Variants in CWC27 observed in about 807,000 individuals in gnomAD.
CWC27 encodes spliceosome-associated protein CWC27 homolog.
A neutral mutation model predicts 63.6 loss-of-function variants in CWC27; 47 were observed. The observed-to-expected ratio is 0.74, with a 90% CI of 0.58 to 0.94. The LOEUF (loss-of-function observed/expected upper bound fraction) is 0.94. Ranked by LOEUF, CWC27 falls within the 40% of genes least tolerant of loss-of-function variation. CWC27 has a pLI of 0.00. For missense variants in CWC27, 495 were observed against 554.3 expected (o/e 0.89, Z 1.07); for synonymous variants, 175 against 179.8 (o/e 0.97, Z 0.22).
intron 13 of CWC27, among the ~76,000 whole-genome samples, chr5:64,980,670 C>G (rs1303446201): frequency 6.6e-6 from 1 of 152,164 alleles, no homozygotes; most frequent in Non-Finnish European, 1.5e-5. Flanking sequence ...TTCTCTTCTT[C>G]TTTCTCTCCC....
chr5:64,894,764 T>C (rs1355827038), intron 11 of CWC27, among the ~76,000 whole-genome samples: 1 of 152,242 alleles, frequency 6.6e-6, no homozygotes, highest in Non-Finnish European at 1.5e-5. Flanking sequence ...AGTGGAGCAC[T>C]AGGTCAGGCT....
At chr5:64,792,938 A>C (rs1308587031) in intron 7 of CWC27, among the ~76,000 whole-genome samples, 1 of 152,170 alleles carries the variant, frequency 6.6e-6, no homozygotes, top group Non-Finnish European at 1.5e-5. Context: ...TTTAATTTTG[A>C]TTTATTATAC....
At chr5:64,832,929 A>C (rs1391828468) in intron 10 of CWC27, among the ~76,000 whole-genome samples, 4 of 151,794 alleles carry the variant, frequency 2.6e-5, no homozygotes, top group East Asian at 1.9e-4. Context: ...ATAGTGGCTT[A>C]AGAGCATAGA....
chr5:64,791,852 G>A (rs989290113), intron 7 of CWC27, among the ~76,000 whole-genome samples: 1 of 152,006 alleles, frequency 6.6e-6, no homozygotes, highest in Non-Finnish European at 1.5e-5. Flanking sequence ...ATTCCATTGT[G>A]ATTTTTCATA....
intron 11 of CWC27, among the ~76,000 whole-genome samples, chr5:64,926,602 G>A (rs954171873): frequency 9.9e-5 from 15 of 152,064 alleles, no homozygotes; most frequent in African/African-American, 3.6e-4. Flanking sequence ...AATAAAAAAT[G>A]TAATGTTAAA....
chr5:64,959,487 G>A (rs1337320789), intron 11 of CWC27, among the ~76,000 whole-genome samples: 1 of 152,146 alleles, frequency 6.6e-6, no homozygotes, highest in Non-Finnish European at 1.5e-5. Context: ...ATCACCAGTA[G>A]CTCCTCAGGA....
chr5:64,856,209 A>G (rs1746254429), intron 10 of CWC27, among the ~76,000 whole-genome samples: 1 of 152,100 alleles, frequency 6.6e-6, no homozygotes, highest in African/African-American at 2.4e-5. Context: ...TATCAATATC[A>G]ATACTTATGG....
intron 13 of CWC27, among the ~76,000 whole-genome samples, chr5:65,007,163 C>T (rs1749862628): frequency 6.6e-6 from 1 of 152,174 alleles, no homozygotes; most frequent in Non-Finnish European, 1.5e-5. Flanking sequence ...TGGCATTTTA[C>T]ATCTAAGGCC....
At chr5:64,798,663 T>C (rs1744366713) in intron 7 of CWC27, among the ~76,000 whole-genome samples, 1 of 152,328 alleles carries the variant, frequency 6.6e-6, no homozygotes, top group East Asian at 1.9e-4. Flanking sequence ...GAGCTCCATA[T>C]TAATACAGAA....
intron 10 of CWC27, among the ~76,000 whole-genome samples, chr5:64,883,023 C>CATTAA (rs1178231221): frequency 6.6e-6 from 1 of 152,220 alleles, no homozygotes; most frequent in Admixed American, 6.5e-5. Context: ...TTAATTGACT[C>CATTAA]ACAGTTCTGC....
At chr5:64,771,083 TA>T in intron 1 of CWC27, among the ~76,000 whole-genome samples, 1 of 152,340 alleles carries the variant, frequency 6.6e-6, no homozygotes, top group Non-Finnish European at 1.5e-5. Flanking sequence ...TGATAAATAC[TA>T]TCTTCTGAAC....
At chr5:64,862,638 A>T (rs571454606) in intron 10 of CWC27, among the ~76,000 whole-genome samples, 1 of 152,258 alleles carries the variant, frequency 6.6e-6, no homozygotes, top group African/African-American at 2.4e-5. Context: ...TGTTTGCAAA[A>T]TGTTTTTTAT....
intron 11 of CWC27, among the ~76,000 whole-genome samples, chr5:64,931,147 C>T (rs73107291): frequency 0.089 from 13,562 of 151,982 alleles, 1,937 homozygotes; most frequent in African/African-American, 0.3. Flanking sequence ...ATTTTCTGAA[C>T]TTGATATACC....
intron 10 of CWC27, among the ~76,000 whole-genome samples, chr5:64,842,603 AT>A (rs757016240): frequency 2.4e-4 from 28 of 115,898 alleles, no homozygotes; most frequent in African/African-American, 2.3e-4. Context: ...CTCCCAGCCT[AT>A]TTTTTTTTTT....
chr5:64,935,766 T>C (rs1385742752), intron 11 of CWC27, among the ~76,000 whole-genome samples: 2 of 152,214 alleles, frequency 1.3e-5, no homozygotes, highest in East Asian at 3.8e-4. Context: ...GTGTCCTCTC[T>C]TACTTCCTTG....
intron 11 of CWC27, among the ~76,000 whole-genome samples, chr5:64,950,631 T>C (rs1291994078): frequency 6.6e-6 from 1 of 152,026 alleles, no homozygotes; most frequent in Admixed American, 6.6e-5. Flanking sequence ...ATCAGCTTTA[T>C]TGAGGTATAC....
chr5:64,801,356 T>G (rs1357410035), intron 9 of CWC27, 24 bp downstream of exon 9: 1 of 1,344,572 alleles, frequency 7.4e-7, no homozygotes, highest in African/African-American at 1.6e-5. Flanking sequence ...TTGGTATTAA[T>G]ATAGTTTGAA....
chr5:64,956,259 G>A (rs1034446557), intron 11 of CWC27, among the ~76,000 whole-genome samples: 1 of 152,094 alleles, frequency 6.6e-6, no homozygotes, highest in Non-Finnish European at 1.5e-5. Context: ...GGACCAACAA[G>A]ATATAAAATG....
intron 10 of CWC27, among the ~76,000 whole-genome samples, chr5:64,825,519 CT>C (rs1035633885): frequency 2.6e-5 from 4 of 152,200 alleles, no homozygotes; most frequent in Admixed American, 2.6e-4. Context: ...CTCCAACTTC[CT>C]TTTTTCTACT....
Sources: allele counts gnomAD v4.1 joint callset (sites outside exome capture counted in the v4.1 genomes callset), GRCh38; gene constraint gnomAD v4.1.1; transcripts MANE v1.5; gene names NCBI Gene and HGNC (gene_info 2026-07-23, HGNC 2026-07-21).